Variants in PHEX observed in about 807,000 individuals in gnomAD.
PHEX encodes phosphate-regulating neutral endopeptidase PHEX.
In PHEX, 16 loss-of-function variants were observed where a neutral mutation model predicts 68.0. The observed-to-expected ratio is 0.24, with a 90% CI of 0.16 to 0.36. The LOEUF (loss-of-function observed/expected upper bound fraction) is 0.36, where lower values mean the gene tolerates loss of function less well. PHEX is among the 10% of genes least tolerant of loss of function. The pLI is 1.00. For missense variants in PHEX, 480 were observed against 575.5 expected (o/e 0.83, Z 1.70); for synonymous variants, 208 against 205.1 (o/e 1.01, Z -0.12).
chrX:22,080,969 A>G (rs781525680), intron 5 of PHEX, among the ~76,000 whole-genome samples: 1 of 111,811 alleles, frequency 8.9e-6, no homozygotes, highest in African/African-American at 3.2e-5. Flanking sequence ...AAGGTTCCGA[A>G]CCTACTCTTC....
chrX:22,092,888 T>G (rs1257213864), intron 6 of PHEX, among the ~76,000 whole-genome samples: 1 of 108,061 alleles, frequency 9.3e-6, no homozygotes, highest in African/African-American at 3.4e-5. Context: ...TAGCTGAGAC[T>G]ACAGGCGTGC....
Position 22,248,010 on chromosome X carries a change from A to C in PHEX, c.*57A>C, listed in dbSNP as rs982553264. The C allele has an allele frequency of 1.5e-5, 13 of 844,426 alleles. No homozygotes were observed. The African/African-American group carries it at 2.2e-4, about 14-fold the overall frequency. The allele number at this position is 844,426 out of a possible 1,213,427, so 69.6% of individuals were successfully genotyped here. A position where few individuals can be genotyped will look rare whatever the true frequency, so the allele number is the denominator to read the frequency against. On this transcript the variant is annotated 3_prime_UTR_variant, in exon 22 of 22. Transcript: ENST00000379374. ...GTTGCACAGTGCCAGCGGAGGCTGCACTGAGCCTTCATCGCCCATTGCTTT... is the reference window on the plus strand; with the variant it reads ...GTTGCACAGTGCCAGCGGAGGCTGCCCTGAGCCTTCATCGCCCATTGCTTT...
intron 5 of PHEX, among the ~76,000 whole-genome samples, chrX:22,080,357 C>T (rs1274040704): frequency 3.6e-5 from 4 of 111,683 alleles, no homozygotes. Flanking sequence ...CAAACGTTTG[C>T]TTAAGTTCTG....
chrX:22,203,719 G>C (rs1399979889), intron 15 of PHEX, among the ~76,000 whole-genome samples: 1 of 111,424 alleles, frequency 9.0e-6, no homozygotes, highest in Non-Finnish European at 1.9e-5. Flanking sequence ...TAAAGCAGGT[G>C]CAATTTAAAC....
Position 22,118,823 on chromosome X carries a change from G to A in PHEX, c.1302+4237G>A, listed in dbSNP as rs145912892. On this transcript the variant is annotated intron_variant, in intron 11 of 21. Coordinates refer to ENST00000379374, the MANE Select transcript of PHEX (RefSeq NM_000444.6). ...CATTTGGACACACCGATACACCAAC[G>A]TTCTCATACTCATTCACACACACAA... Among the ~76,000 whole-genome samples, 407 of 111,731 alleles carry A rather than the reference G, an allele frequency of 3.6e-3. 1 individual carries two copies. Among genetic ancestry groups the A allele is most frequent in the African/African-American group, 0.012 (374 of 30,739 alleles).
chrX:22,241,862 G>A (rs1453567518), intron 20 of PHEX, among the ~76,000 whole-genome samples: 1 of 112,184 alleles, frequency 8.9e-6, no homozygotes, highest in Non-Finnish European at 1.9e-5. Flanking sequence ...AGAGGAGCTG[G>A]CACCATTCCT....
At position 22,077,687 on chromosome X, in the gene PHEX, T is replaced by G. The variant is rs1929218812; in HGVS notation, c.648T>G (p.Asn216Lys). ...TGTCCCCTGATGACAAAGCATCCAA[T>G]GAACATATCTTGAAGGTATAATGAG... ...LYVSPDDKAS[N>K]EHILKLDQAT... Residue 216 changes from asparagine to lysine, a missense_variant, in exon 5 of 22, where the codon AAT (asparagine) becomes AAG (lysine). Asn to Lys is a moderately conservative substitution (Grantham distance 94). Transcript: ENST00000379374. 2.5e-6 allele frequency: 3 copies of G among 1,197,285 alleles called. No individual in the cohort carries two copies. The South Asian group carries it at 5.3e-5, about 21-fold the overall frequency.
intron 12 of PHEX, among the ~76,000 whole-genome samples, chrX:22,138,753 A>G (rs979131216): frequency 3.6e-5 from 4 of 112,410 alleles, no homozygotes; most frequent in African/African-American, 1.3e-4. Flanking sequence ...CTTTCCAGTT[A>G]CAGATTCTAG....
intron 12 of PHEX, among the ~76,000 whole-genome samples, chrX:22,149,434 G>T (rs1200571305): frequency 8.9e-6 from 1 of 112,673 alleles, no homozygotes; most frequent in African/African-American, 3.2e-5. Context: ...AATTCAGCTT[G>T]TTCTTCCAGG....
intron 1 of PHEX, among the ~76,000 whole-genome samples, chrX:22,034,294 A>C (rs1409492193): frequency 8.9e-6 from 1 of 112,048 alleles, no homozygotes; most frequent in African/African-American, 3.2e-5. Context: ...CGTGACTGCA[A>C]GGTTAGGTTT....
At chrX:22,230,684 C>T (rs180766918) in intron 20 of PHEX, among the ~76,000 whole-genome samples, 18 of 111,329 alleles carry the variant, frequency 1.6e-4, no homozygotes, top group African/African-American at 5.6e-4. Context: ...TGGGCTGAGA[C>T]GATGGGGTTT....
intron 5 of PHEX, among the ~76,000 whole-genome samples, chrX:22,085,927 C>T (rs1479055043): frequency 9.0e-6 from 1 of 111,710 alleles, no homozygotes; most frequent in Non-Finnish European, 1.9e-5. Context: ...TTGCAGTCTC[C>T]CTCTCCCTTT....
intron 18 of PHEX, among the ~76,000 whole-genome samples, chrX:22,223,655 G>A (rs12839458): frequency 0.3 from 32,598 of 110,336 alleles, 3,738 homozygotes; most frequent in Middle Eastern, 0.36. Context: ...AGGCTGAGGT[G>A]GAAGAATTGT....
chrX:22,033,745 G>A (rs1248623286), intron 1 of PHEX, among the ~76,000 whole-genome samples: 1 of 112,152 alleles, frequency 8.9e-6, no homozygotes, highest in African/African-American at 3.2e-5. Context: ...GACTGTTGGT[G>A]AGAATGATGT....
intron 14 of PHEX, among the ~76,000 whole-genome samples, chrX:22,179,493 C>G (rs757572341): frequency 1.9e-5 from 2 of 108,065 alleles, no homozygotes; most frequent in Non-Finnish European, 3.8e-5. Flanking sequence ...CACTCTTTCC[C>G]CCTAAGTCTC....
chrX:22,061,242 G>A (rs1928350436), intron 3 of PHEX, among the ~76,000 whole-genome samples: 1 of 111,999 alleles, frequency 8.9e-6, no homozygotes. Context: ...CAGAATGGAA[G>A]CCCTACAAAA....
At chrX:22,176,029 T>G (rs1933682521) in intron 13 of PHEX, among the ~76,000 whole-genome samples, 1 of 111,439 alleles carries the variant, frequency 9.0e-6, no homozygotes. Flanking sequence ...TTGCTTTCTA[T>G]AACAAGGTGC....
chrX:22,224,139 C>A (rs983175782), intron 18 of PHEX, among the ~76,000 whole-genome samples: 1 of 111,381 alleles, frequency 9.0e-6, no homozygotes, highest in East Asian at 2.8e-4. Flanking sequence ...CCAGCCACCA[C>A]GCCTGGCTGA....
chrX:22,096,691 C>T (rs1310038707), intron 7 of PHEX, among the ~76,000 whole-genome samples: 2 of 111,947 alleles, frequency 1.8e-5, no homozygotes, highest in African/African-American at 3.3e-5. Flanking sequence ...AGATTTTGCC[C>T]ATCCACATTA....
Sources: gnomAD v4.1 joint callset for allele counts (sites outside exome capture counted in the v4.1 genomes callset) on GRCh38, gnomAD v4.1.1 for gene constraint, MANE v1.5 for transcripts, NCBI Gene and HGNC (gene_info 2026-07-23, HGNC 2026-07-21) for gene names.